The following TIPIN variants were observed in gnomAD, a reference collection of about 807,000 sequenced individuals.
The protein encoded by TIPIN is TIMELESS-interacting protein.
Under a neutral mutation model 35.6 loss-of-function variants are expected in TIPIN, and 29 were observed. The ratio of observed to expected loss-of-function variants is 0.82; its 90% CI spans 0.61 to 1.11. The LOEUF (loss-of-function observed/expected upper bound fraction) is 1.11. TIPIN is among the 50% of genes most tolerant of loss of function. The probability of loss-of-function intolerance (pLI) is 0.00; values close to 1 mark genes in which losing one functional copy is unlikely to be tolerated. For synonymous variants in TIPIN, 102 were observed against 121.5 expected (o/e 0.84, Z 1.06); for missense variants, 296 against 345.4 (o/e 0.86, Z 1.13).
chr15:66,379,214 A>C, intron 1 of TIPIN: 2 of 1,329,694 alleles, frequency 1.5e-6, no homozygotes, highest in Non-Finnish European at 2.0e-6. Context: ...ATGCACCTGG[A>C]ATTTATTTAG....
intron 1 of TIPIN, among the ~76,000 whole-genome samples, chr15:66,370,017 A>G (rs2093272198): frequency 6.6e-6 from 1 of 152,184 alleles, no homozygotes; most frequent in African/African-American, 2.4e-5. Flanking sequence ...TATTTGAATG[A>G]ATGTCCTGGG....
chr15:66,361,522 TGA>T (rs1325295739), upstream of TIPIN, among the ~76,000 whole-genome samples: 1 of 146,478 alleles, frequency 6.8e-6, no homozygotes. Flanking sequence ...CCCAAAGTGC[TGA>T]GATTACAGGT....
At chr15:66,377,336 G>T (rs1024812589) in intron 1 of TIPIN, among the ~76,000 whole-genome samples, 5 of 151,986 alleles carry the variant, frequency 3.3e-5, no homozygotes, top group Admixed American at 2.0e-4. Flanking sequence ...GATGAATGAT[G>T]ATCTTCTTTT....
At chr15:66,360,639 G>T (rs2093227018), upstream of TIPIN, among the ~76,000 whole-genome samples, 1 of 152,050 alleles carries the variant, frequency 6.6e-6, no homozygotes, top group South Asian at 2.1e-4. Context: ...AGACCAGTCT[G>T]GCCAAAATAG....
intron 1 of TIPIN, among the ~76,000 whole-genome samples, chr15:66,362,288 G>C (rs937004372): frequency 8.6e-5 from 13 of 150,416 alleles, no homozygotes. Context: ...GGGCAACAAA[G>C]AGCGAAACTC....
intron 1 of TIPIN, among the ~76,000 whole-genome samples, chr15:66,372,733 T>C (rs28794477): frequency 1.0e-3 from 157 of 152,128 alleles, no homozygotes; most frequent in African/African-American, 3.6e-3. Context: ...GTGAACTCTG[T>C]CTCTACTAAG....
chr15:66,371,796 C>T (rs2093278738), intron 1 of TIPIN, among the ~76,000 whole-genome samples: 1 of 151,464 alleles, frequency 6.6e-6, no homozygotes, highest in South Asian at 2.1e-4. Flanking sequence ...GGATTACAGG[C>T]GTGAGCCACC....
At chr15:66,358,879 A>G (rs2093218614), upstream of TIPIN, among the ~76,000 whole-genome samples, 1 of 151,976 alleles carries the variant, frequency 6.6e-6, no homozygotes, top group South Asian at 2.1e-4. Flanking sequence ...CCCCGTCTCA[A>G]TAAAAATACA....
chr15:66,341,114 T>C, intron 7 of TIPIN, 36 bp downstream of exon 7: 1 of 1,584,246 alleles, frequency 6.3e-7, no homozygotes, highest in Non-Finnish European at 8.6e-7. Flanking sequence ...CCTTGATATA[T>C]TAATGGTAGC....
intron 1 of TIPIN, among the ~76,000 whole-genome samples, chr15:66,355,372 A>C (rs914049231): frequency 6.6e-6 from 1 of 151,726 alleles, no homozygotes; most frequent in Admixed American, 6.6e-5. Flanking sequence ...ATGGAATGCA[A>C]AAAAAAATTC....
intron 6 of TIPIN, among the ~76,000 whole-genome samples, chr15:66,347,724 C>A (rs929554781): frequency 6.6e-6 from 1 of 152,076 alleles, no homozygotes; most frequent in African/African-American, 2.4e-5. Flanking sequence ...GCTGGGATTA[C>A]AGGCGTGCAC....
At chr15:66,369,721 T>C (rs1016037379) in intron 1 of TIPIN, among the ~76,000 whole-genome samples, 1 of 152,172 alleles carries the variant, frequency 6.6e-6, no homozygotes, top group African/African-American at 2.4e-5. Context: ...ATGAAACCTT[T>C]TCATGCAAAT....
At chr15:66,359,742 T>C (rs557735117), upstream of TIPIN, among the ~76,000 whole-genome samples, 1 of 152,294 alleles carries the variant, frequency 6.6e-6, no homozygotes, top group East Asian at 1.9e-4. Flanking sequence ...GGTAAGTTTA[T>C]ATACTATACT....
At chr15:66,350,740 T>G (rs1324141399) in intron 4 of TIPIN, among the ~76,000 whole-genome samples, 1 of 150,530 alleles carries the variant, frequency 6.6e-6, no homozygotes, top group African/African-American at 2.4e-5. Flanking sequence ...CCATCCTGGC[T>G]AACACGGTGA....
chr15:66,350,099 T>C (rs1358871906), intron 4 of TIPIN, among the ~76,000 whole-genome samples: 1 of 151,708 alleles, frequency 6.6e-6, no homozygotes, highest in Non-Finnish European at 1.5e-5. Context: ...GTAGCTGGGA[T>C]TAGAGGTGTG....
chr15:66,366,958 A>G, intron 1 of TIPIN: 3 of 910,120 alleles, frequency 3.3e-6, no homozygotes, highest in Non-Finnish European at 3.9e-6. Flanking sequence ...AAGGCAGGTG[A>G]TCACTCGAGG....
At chr15:66,362,433 G>T (rs2093235669) in intron 1 of TIPIN, among the ~76,000 whole-genome samples, 1 of 151,974 alleles carries the variant, frequency 6.6e-6, no homozygotes, top group Admixed American at 6.6e-5. Flanking sequence ...TGAAAGAAGA[G>T]AAATGGAGGC....
chr15:66,358,753 A>G (rs1233975652), upstream of TIPIN, among the ~76,000 whole-genome samples: 2 of 152,050 alleles, frequency 1.3e-5, no homozygotes, highest in Non-Finnish European at 2.9e-5. Context: ...TTAAAAATTT[A>G]AAAAGTGAAG....
intron 1 of TIPIN, among the ~76,000 whole-genome samples, chr15:66,363,713 T>G (rs1411464360): frequency 2.7e-5 from 4 of 150,486 alleles, no homozygotes; most frequent in Admixed American, 1.3e-4. Flanking sequence ...CTGGGTGCGG[T>G]GGCTCACGCC....
Sources: gnomAD v4.1 joint callset for allele counts (sites outside exome capture counted in the v4.1 genomes callset) on GRCh38, gnomAD v4.1.1 for gene constraint, MANE v1.5 for transcripts, NCBI Gene and HGNC (gene_info 2026-07-23, HGNC 2026-07-21) for gene names.